The following GLS variants were observed in gnomAD, a reference collection of about 807,000 sequenced individuals.
The protein encoded by GLS is glutaminase.
In GLS, 36 loss-of-function variants were observed where a neutral mutation model predicts 86.7. The ratio of observed to expected loss-of-function variants is 0.42; its 90% CI spans 0.32 to 0.55. The LOEUF is 0.55. Among genes scored for constraint, GLS ranks in the 20% least tolerant of loss-of-function variants. The pLI, the probability that GLS is intolerant of heterozygous loss-of-function variation, is 0.17. For missense variants in GLS, 528 were observed against 833.4 expected (o/e 0.63, Z 4.51); for synonymous variants, 317 against 305.9 (o/e 1.04, Z -0.38).
Position 190,965,332 on chromosome 2 carries a change from C to CT in GLS, c.*2347dup, listed in dbSNP as rs1391023809. On this transcript the variant is annotated 3_prime_UTR_variant, in exon 18 of 18. Transcript: ENST00000320717. The surrounding 1 kb of genome is among the most constrained non-coding windows in gnomAD (Gnocchi z 5.0). ...TGGATTAGCTGTTGACCATTTGATG[C>CT]TGTTGTCTGTCTGGCAGGGACTGAA... 1 of 152,586 alleles carries CT rather than the reference C, an allele frequency of 6.6e-6. No homozygotes were observed. The highest frequency in any genetic ancestry group is 2.4e-5 in the African/African-American group (1 of 41,420). 9.5% of individuals were successfully genotyped at this position (152,586 alleles called of 1,614,324 possible).
At chr2:190,890,193 C>CT (rs1294078003) in intron 1 of GLS, among the ~76,000 whole-genome samples, 1 of 151,872 alleles carries the variant, frequency 6.6e-6, no homozygotes, top group Non-Finnish European at 1.5e-5. Context: ...CATTTTCTTT[C>CT]TTTTTTTAGA....
chr2:190,957,006 C>T (rs745693378), intron 17 of GLS, among the ~76,000 whole-genome samples: 4 of 152,032 alleles, frequency 2.6e-5, no homozygotes, highest in African/African-American at 4.8e-5. Context: ...GATTTTGGGC[C>T]GAGATGATGG....
In GLS at chr2:190,938,429, G is replaced by A. The variant is rs573189064; in HGVS notation, c.1650+6792G>A. Among the ~76,000 whole-genome samples the A allele has an allele frequency of 2.0e-5, 3 of 151,582 alleles. No individual in the cohort carries two copies. The highest frequency in any genetic ancestry group is 4.1e-4 in the South Asian group (2 of 4,822). ...TAAATTTATATTCTGTAAAACAGCC[G>A]AAGGCTTTCTTTTGTTTTTAAAACA... On this transcript the variant is annotated intron_variant, in intron 14 of 17. Coordinates refer to ENST00000320717, the MANE Select transcript of GLS (RefSeq NM_014905.5). This position sits in a 1 kb window ranked among gnomAD's most constrained non-coding sequence, Gnocchi z 4.1.
chr2:190,930,071 T>G lies in GLS; in HGVS notation c.1426-366T>G, dbSNP rs557083146. 1.7e-4 allele frequency among the ~76,000 whole-genome samples: 24 copies of G among 139,222 alleles called. No homozygotes were observed. The South Asian group carries it at 4.6e-3, about 27-fold the overall frequency. 91.3% of individuals were successfully genotyped at this position (139,222 alleles called of 152,430 possible). The stretch of plus-strand genomic sequence containing the variant: ...TTTTTAAACCAATTTCCCAATTGTG[T>G]TTTTTTTTTTTTTGAAACTGGATCT... On this transcript the variant is annotated intron_variant, in intron 12 of 17. Coordinates refer to ENST00000320717, the MANE Select transcript of GLS (RefSeq NM_014905.5). The surrounding 1 kb of genome is among the most constrained non-coding windows in gnomAD (Gnocchi z 5.0).
chr2:190,898,013 A>G (rs947550140), intron 3 of GLS, among the ~76,000 whole-genome samples: 1 of 152,214 alleles, frequency 6.6e-6, no homozygotes, highest in Non-Finnish European at 1.5e-5. Flanking sequence ...TTTTAATGCT[A>G]GTAAATCTTA....
Position 190,924,620 on chromosome 2 carries a change from A to C in GLS, c.1248+27A>C. On this transcript the variant is annotated intron_variant, in intron 11 of 17. Coordinates refer to ENST00000320717, the MANE Select transcript of GLS (RefSeq NM_014905.5). The surrounding 1 kb of genome is among the most constrained non-coding windows in gnomAD (Gnocchi z 5.2). ...TAATCTAATTATGTAAATCGTATAT[A>C]TAAATGGATGTGTCGGCTGGGCACG... 1 of 1,255,284 alleles carries C rather than the reference A, an allele frequency of 8.0e-7. No individual in the cohort carries two copies. The highest frequency in any genetic ancestry group is 1.2e-6 in the Non-Finnish European group (1 of 852,758). 77.8% of individuals were successfully genotyped at this position (1,255,284 alleles called of 1,614,324 possible).
chr2:190,941,451 G>T lies in GLS; in HGVS notation c.1650+9814G>T, dbSNP rs527867718. On this transcript the variant is annotated intron_variant, in intron 14 of 17. Transcript: ENST00000320717. ...GCTTACTGCCAGGAGGGAATGGAAT[G>T]GATGCAGAGAGCATGGTTAGCTGTA... 4.6e-5 allele frequency among the ~76,000 whole-genome samples: 7 copies of T among 152,264 alleles called. No individual in the cohort carries two copies. In the East Asian group the frequency reaches 1.3e-3, roughly 29 times the overall value.
In GLS at chr2:190,880,872, C is replaced by CGCAGCAGCCGCAGCAGCA. The variant is rs1553572138; in HGVS notation, c.-205_-204insCGCAGCAGCAGCAGCAGC. On this transcript the variant is annotated 5_prime_UTR_variant, in exon 1 of 18. Transcript: ENST00000320717. ...AGAACCGGTCGCGGCAATCCTAGCG[C>CGCAGCAGCCGCAGCAGCA]GCAGCAGCAGCAGCAGCAGCAGCAG... is the stretch of plus-strand genomic sequence containing the variant. The CGCAGCAGCCGCAGCAGCA allele has an allele frequency of 2.8e-5, 21 of 743,094 alleles. No homozygotes were observed. The highest frequency in any genetic ancestry group is 4.1e-5 in the Non-Finnish European group (18 of 443,150). The allele number at this position is 743,094 out of a possible 1,614,324, so 46.0% of individuals were successfully genotyped here.
intron 5 of GLS, among the ~76,000 whole-genome samples, chr2:190,902,396 G>T (rs1428242598): frequency 2.0e-5 from 3 of 152,058 alleles, no homozygotes; most frequent in Admixed American, 1.3e-4. Flanking sequence ...CCCATCTGTC[G>T]TTGTCTTTGT....
chr2:190,881,831 G>T (rs1278446016), intron 1 of GLS: 6 of 205,176 alleles, frequency 2.9e-5, no homozygotes, highest in Admixed American at 1.2e-4. Flanking sequence ...CTGGCCGCCC[G>T]CCCCAGCCAT....
At chr2:190,888,486 T>C (rs563847171) in intron 1 of GLS, among the ~76,000 whole-genome samples, 68 of 152,328 alleles carry the variant, frequency 4.5e-4, no homozygotes, top group Middle Eastern at 3.4e-3. Flanking sequence ...ACAGTGATGC[T>C]GTAAGACAAG....
intron 14 of GLS, chr2:190,934,533 A>G: frequency 1.0e-6 from 1 of 983,808 alleles, no homozygotes; most frequent in Non-Finnish European, 1.2e-6. Flanking sequence ...TGTGTTGCAT[A>G]TTTATGTTAG....
chr2:190,933,913 T>C, intron 14 of GLS: 1 of 917,568 alleles, frequency 1.1e-6, no homozygotes, highest in Non-Finnish European at 1.3e-6. Flanking sequence ...ATCTAAATCC[T>C]TTTATTTGGT....
At chr2:190,890,611 A>G (rs1015490777) in intron 1 of GLS, among the ~76,000 whole-genome samples, 3 of 152,160 alleles carry the variant, frequency 2.0e-5, no homozygotes, top group Non-Finnish European at 2.9e-5. Flanking sequence ...TCAACTTTCT[A>G]TCTAACAGGT....
chr2:190,887,173 AAT>A (rs1338930567), intron 1 of GLS, among the ~76,000 whole-genome samples: 1 of 152,204 alleles, frequency 6.6e-6, no homozygotes, highest in East Asian at 1.9e-4. Flanking sequence ...TATTTATAAA[AAT>A]AGTTATTAAT....
chr2:190,943,091 T>C lies in GLS; in HGVS notation c.1651-10474T>C, dbSNP rs946657733. Among the ~76,000 whole-genome samples, 6 of 152,222 alleles carry C rather than the reference T, an allele frequency of 3.9e-5. No homozygotes were observed. Among genetic ancestry groups the C allele is most frequent in the African/African-American group, 1.4e-4 (6 of 41,452 alleles). The stretch of plus-strand genomic sequence containing the variant: ...AGGGAATCTGGGAAAGTGTTTTTAA[T>C]TGGACACAATACTACCTTTAACAAA... On this transcript the variant is annotated intron_variant, in intron 14 of 17. Transcript: ENST00000320717. This position sits in a 1 kb window ranked among gnomAD's most constrained non-coding sequence, Gnocchi z 4.5.
chr2:190,917,617 A>T (rs1323057646), intron 7 of GLS, among the ~76,000 whole-genome samples: 5 of 152,174 alleles, frequency 3.3e-5, no homozygotes, highest in African/African-American at 1.2e-4. Flanking sequence ...TGCCTTATGA[A>T]CTGTGTTTCT....
rs953180480 is a variant in GLS at position 190,951,267 on chromosome 2, A to T, written c.1651-2298A>T. ...GGTGCTGGGGGGATCTGAAGGAATC[A>T]GGGCTTAGGAAGCTGCTGGAGCTTT... is the stretch of plus-strand genomic sequence containing the variant. On this transcript the variant is annotated intron_variant, in intron 14 of 17. Transcript: ENST00000320717. This position sits in a 1 kb window ranked among gnomAD's most constrained non-coding sequence, Gnocchi z 4.2. Among the ~76,000 whole-genome samples, 4 of 152,086 alleles carry T rather than the reference A, an allele frequency of 2.6e-5. No individual in the cohort carries two copies. Among genetic ancestry groups the T allele is most frequent in the African/African-American group, 9.7e-5 (4 of 41,428 alleles).
chr2:190,937,312 T>G (rs1166626257), intron 14 of GLS, among the ~76,000 whole-genome samples: 1 of 151,288 alleles, frequency 6.6e-6, no homozygotes, highest in African/African-American at 2.4e-5. Context: ...GGGGAAGTTC[T>G]TTTATTTTAT....
Sources: gnomAD v4.1 joint callset for allele counts (sites outside exome capture counted in the v4.1 genomes callset) on GRCh38, gnomAD v4.1.1 for gene constraint, Gnocchi (gnomAD v3.1) non-coding constraint, MANE v1.5 for transcripts, NCBI Gene and HGNC (gene_info 2026-07-23, HGNC 2026-07-21) for gene names.